Variants in CSMD1 observed in about 807,000 individuals in gnomAD.
CSMD1 encodes CUB and Sushi multiple domains 1.
In CSMD1, 213 loss-of-function variants were observed where a neutral mutation model predicts 417.5. The observed-to-expected ratio is 0.51, with a 90% CI of 0.46 to 0.57. The LOEUF (loss-of-function observed/expected upper bound fraction) is 0.57. Ranked by LOEUF, CSMD1 falls within the 20% of genes least tolerant of loss-of-function variation. CSMD1 has a pLI of 0.00. For missense variants in CSMD1, 6,923 were observed against 4,529.7 expected (o/e 1.53, Z -15.17); for synonymous variants, 2,862 against 1,736.8 (o/e 1.65, Z -16.11).
At chr8:4,510,601 T>C (rs1036893380) in intron 2 of CSMD1, among the ~76,000 whole-genome samples, 4 of 147,734 alleles carry the variant, frequency 2.7e-5, no homozygotes, top group African/African-American at 1.0e-4. Flanking sequence ...CCTTCCTTCT[T>C]GCCTTCCTTC....
chr8:3,962,791 T>C (rs569481024), intron 5 of CSMD1, among the ~76,000 whole-genome samples: 3 of 152,200 alleles, frequency 2.0e-5, no homozygotes, highest in Non-Finnish European at 4.4e-5. Flanking sequence ...TTCATATTTT[T>C]AAAAACATTG....
chr8:4,651,181 A>G (rs899144), intron 1 of CSMD1, among the ~76,000 whole-genome samples: 87,220 of 152,012 alleles, frequency 0.57, 25,399 homozygotes, highest in Admixed American at 0.68. Flanking sequence ...TTATTGTACC[A>G]AATTCCCTAA....
chr8:3,741,769 T>C (rs1796816430), intron 6 of CSMD1, among the ~76,000 whole-genome samples: 1 of 152,212 alleles, frequency 6.6e-6, no homozygotes, highest in Non-Finnish European at 1.5e-5. Context: ...AATTTATTTG[T>C]GGGAATATGC....
chr8:4,168,490 A>G (rs1797583517), intron 3 of CSMD1, among the ~76,000 whole-genome samples: 2 of 152,208 alleles, frequency 1.3e-5, no homozygotes, highest in South Asian at 4.1e-4. Context: ...AAGTAGAAAA[A>G]AGGGCTCTAA....
At chr8:3,614,206 A>G (rs952503121) in intron 8 of CSMD1, among the ~76,000 whole-genome samples, 2 of 152,192 alleles carry the variant, frequency 1.3e-5, no homozygotes, top group African/African-American at 2.4e-5. Flanking sequence ...ACATAGAGAC[A>G]TATAAACAAC....
chr8:3,302,766 C>G (rs539399938), intron 25 of CSMD1, among the ~76,000 whole-genome samples: 1 of 152,154 alleles, frequency 6.6e-6, no homozygotes, highest in African/African-American at 2.4e-5. Context: ...CAGAATTTGT[C>G]CTTCATGCAC....
At chr8:2,946,801 C>T (rs888399889) in intron 68 of CSMD1, among the ~76,000 whole-genome samples, 1 of 152,164 alleles carries the variant, frequency 6.6e-6, no homozygotes, top group Non-Finnish European at 1.5e-5. Flanking sequence ...GATGAACTAC[C>T]AGAGTGTTTT....
intron 1 of CSMD1, among the ~76,000 whole-genome samples, chr8:4,849,784 T>C (rs976035284): frequency 6.6e-6 from 1 of 152,220 alleles, no homozygotes; most frequent in Admixed American, 6.5e-5. Flanking sequence ...GTGCACTCAA[T>C]GATGTTCATA....
At chr8:4,273,100 C>A (rs1014091251) in intron 3 of CSMD1, among the ~76,000 whole-genome samples, 2 of 151,986 alleles carry the variant, frequency 1.3e-5, no homozygotes, top group African/African-American at 4.8e-5. Context: ...AAAATATAAA[C>A]AAATGAAAGC....
At chr8:3,296,451 T>G (rs1421425961) in intron 25 of CSMD1, among the ~76,000 whole-genome samples, 1 of 152,004 alleles carries the variant, frequency 6.6e-6, no homozygotes, top group Non-Finnish European at 1.5e-5. Context: ...GAGGGCTTTG[T>G]AGGCTGTTTT....
intron 5 of CSMD1, among the ~76,000 whole-genome samples, chr8:3,779,462 C>T (rs896632799): frequency 2.0e-5 from 3 of 152,222 alleles, no homozygotes; most frequent in African/African-American, 4.8e-5. Context: ...AAATTTTAGA[C>T]ATCTTAAAAC....
intron 26 of CSMD1, among the ~76,000 whole-genome samples, chr8:3,275,891 A>G (rs4875468): frequency 0.64 from 97,013 of 151,746 alleles, 31,133 homozygotes; most frequent in African/African-American, 0.66. Context: ...CCTGTAGCTC[A>G]GAGTAATTTG....
Position 4,077,952 on chromosome 8 carries a change from G to A in CSMD1, c.416-45853C>T, listed in dbSNP as rs530695605. On this transcript the variant is annotated intron_variant, in intron 3 of 69. Transcript: ENST00000635120. ...CAAAATCCTTTACATACCCATACTC[G>A]CCCTGCATGTGTGTCCCCAGGCTCT... 3.9e-5 allele frequency among the ~76,000 whole-genome samples: 6 copies of A among 151,962 alleles called. No homozygotes were observed. The South Asian group carries it at 6.2e-4, about 16-fold the overall frequency.
At chr8:4,084,667 G>A (rs1299875858) in intron 3 of CSMD1, among the ~76,000 whole-genome samples, 2 of 152,108 alleles carry the variant, frequency 1.3e-5, no homozygotes, top group Non-Finnish European at 1.5e-5. Context: ...AGCAAGACCA[G>A]TAGGGAAAGC....
intron 2 of CSMD1, among the ~76,000 whole-genome samples, chr8:4,555,369 G>A (rs906500856): frequency 2.0e-5 from 3 of 152,110 alleles, no homozygotes; most frequent in Admixed American, 6.5e-5. Flanking sequence ...TGGGAGGGAC[G>A]GGGAATGTCG....
intron 23 of CSMD1, among the ~76,000 whole-genome samples, chr8:3,312,774 A>G (rs1361334057): frequency 6.7e-6 from 1 of 149,846 alleles, no homozygotes; most frequent in African/African-American, 2.5e-5. Context: ...TTAGAGCCAT[A>G]GCATGTCAGC....
At chr8:4,923,026 T>C (rs7016009) in intron 1 of CSMD1, among the ~76,000 whole-genome samples, 42,763 of 152,030 alleles carry the variant, frequency 0.28, 6,084 homozygotes, top group South Asian at 0.36. Flanking sequence ...CTAGATGGGG[T>C]GCTACTACTC....
intron 3 of CSMD1, among the ~76,000 whole-genome samples, chr8:4,059,723 C>G (rs1393033678): frequency 2.6e-5 from 4 of 152,140 alleles, no homozygotes; most frequent in African/African-American, 9.7e-5. Flanking sequence ...GACACCTACA[C>G]TCTCCCAAGA....
At chr8:4,006,742 G>A (rs1428211295) in intron 4 of CSMD1, among the ~76,000 whole-genome samples, 4 of 151,402 alleles carry the variant, frequency 2.6e-5, no homozygotes, top group African/African-American at 9.7e-5. Context: ...ACTGGAACCA[G>A]AAGGAACTCA....
Sources: allele counts gnomAD v4.1 joint callset (sites outside exome capture counted in the v4.1 genomes callset), GRCh38; gene constraint gnomAD v4.1.1; transcripts MANE v1.5; gene names NCBI Gene and HGNC (gene_info 2026-07-23, HGNC 2026-07-21).